Variants in DSCAML1 observed in about 807,000 individuals in gnomAD.
DSCAML1 encodes the protein DS cell adhesion molecule like 1.
In DSCAML1, 38 loss-of-function variants were observed where a neutral mutation model predicts 200.5. The ratio of observed to expected loss-of-function variants is 0.19; its 90% confidence interval spans 0.15 to 0.25. The LOEUF is 0.25. DSCAML1 is among the 10% of genes least tolerant of loss of function. The probability of loss-of-function intolerance (pLI) is 1.00; values close to 1 mark genes in which losing one functional copy is unlikely to be tolerated. For missense variants in DSCAML1, 2,223 were observed against 2,858.8 expected (o/e 0.78, Z 5.07); for synonymous variants, 1,215 against 1,165.0 (o/e 1.04, Z -0.87).
rs2049460390 is a variant in DSCAML1, at chr11:117,504,745, CG to C, written c.2182+178del. Among the ~76,000 whole-genome samples, 5 of 151,972 alleles carry C rather than the reference CG, an allele frequency of 3.3e-5. No homozygotes were observed. The highest frequency in any genetic ancestry group is 6.5e-5 in the Admixed American group (1 of 15,268). On this transcript the variant is annotated intron_variant, in intron 10 of 32. Transcript: ENST00000651296. The surrounding 1 kb of genome is among the most constrained non-coding windows in gnomAD (Gnocchi z 5.0). ...TGGCTGTTCCTGGTCCACAGACCCC[CG>C]GGGGTGGCTGAGGATGACTCCAGGT...
chr11:117,741,929 C>T (rs2054429281), intron 3 of DSCAML1, among the ~76,000 whole-genome samples: 1 of 152,208 alleles, frequency 6.6e-6, no homozygotes. Flanking sequence ...AAATTGGACC[C>T]TGGTGGCCAG....
intron 32 of DSCAML1, 36 bp from the exon 33 acceptor site, chr11:117,428,839 CAT>C: frequency 6.5e-7 from 1 of 1,535,194 alleles, no homozygotes; most frequent in Non-Finnish European, 8.8e-7. Context: ...TACAGAGAGT[CAT>C]AGCCCTCTGG....
chr11:117,745,578 G>A (rs2054503908), intron 3 of DSCAML1, among the ~76,000 whole-genome samples: 1 of 152,164 alleles, frequency 6.6e-6, no homozygotes, highest in Non-Finnish European at 1.5e-5. Context: ...GGGGGCTATG[G>A]GATGTCAGCA....
chr11:117,784,445 A>G (rs2055315262), intron 1 of DSCAML1, among the ~76,000 whole-genome samples: 1 of 152,178 alleles, frequency 6.6e-6, no homozygotes, highest in Admixed American at 6.5e-5. Flanking sequence ...AATCTCTGCT[A>G]TGTGCCACGC....
chr11:117,463,173 A>G lies in DSCAML1; in HGVS notation c.3266-1577T>C, dbSNP rs1329390273. On this transcript the variant is annotated intron_variant, in intron 17 of 32. Coordinates refer to ENST00000651296, the MANE Select transcript of DSCAML1 (RefSeq NM_020693.4). The surrounding 1 kb of genome is among the most constrained non-coding windows in gnomAD (Gnocchi z 4.0). ...GCAAAAGGGAGGCACAAGGTGAAGC[A>G]GGAAGGCTATGGGAATCAGAGATTT... Among the ~76,000 whole-genome samples, 2 of 152,234 alleles carry G rather than the reference A, an allele frequency of 1.3e-5. No homozygotes were observed. Among genetic ancestry groups the G allele is most frequent in the African/African-American group, 4.8e-5 (2 of 41,468 alleles).
At chr11:117,815,695 C>T (rs1340255134) in intron 1 of DSCAML1, among the ~76,000 whole-genome samples, 5 of 152,030 alleles carry the variant, frequency 3.3e-5, no homozygotes, top group Non-Finnish European at 7.4e-5. Context: ...GCCCAGCAAG[C>T]CCATAGGAGC....
rs2049341764 is a variant in DSCAML1 at position 117,498,800 on chromosome 11, T to C, written c.2359+5045A>G. 6.6e-6 allele frequency among the ~76,000 whole-genome samples: 1 copy of C among 152,188 alleles called. No individual in the cohort carries two copies. Among genetic ancestry groups the C allele is most frequent in the Non-Finnish European group, 1.5e-5 (1 of 68,032 alleles). On this transcript the variant is annotated intron_variant, in intron 11 of 32. Transcript: ENST00000651296. This position sits in a 1 kb window ranked among gnomAD's most constrained non-coding sequence, Gnocchi z 4.0. ...TGTGGCTGCGCAGCTGGGTGTGTGC[T>C]CGCTGAGGGCACTGGGACCTTATTT...
At chr11:117,777,897 C>T (rs372081350) in intron 2 of DSCAML1, among the ~76,000 whole-genome samples, 1 of 152,206 alleles carries the variant, frequency 6.6e-6, no homozygotes, top group South Asian at 2.1e-4. Context: ...GATCCTTCCA[C>T]CCCCTTATCT....
intron 3 of DSCAML1, among the ~76,000 whole-genome samples, chr11:117,634,289 G>C (rs1457728393): frequency 1.3e-5 from 2 of 152,186 alleles, no homozygotes; most frequent in African/African-American, 4.8e-5. Context: ...AGCAGAAAGA[G>C]GGCCAGTGGG....
intron 14 of DSCAML1, among the ~76,000 whole-genome samples, chr11:117,478,256 G>A (rs1214797453): frequency 1.3e-5 from 2 of 152,190 alleles, no homozygotes; most frequent in South Asian, 4.1e-4. Flanking sequence ...GGAGGAACGG[G>A]GGGAGGGGCA....
chr11:117,676,799 G>A (rs1420062341), intron 3 of DSCAML1, among the ~76,000 whole-genome samples: 1 of 152,248 alleles, frequency 6.6e-6, no homozygotes, highest in Non-Finnish European at 1.5e-5. Context: ...GGCTCCCAGA[G>A]GGCCCAGTGT....
At chr11:117,773,297 C>T (rs2055071579) in intron 3 of DSCAML1, among the ~76,000 whole-genome samples, 1 of 152,168 alleles carries the variant, frequency 6.6e-6, no homozygotes, top group African/African-American at 2.4e-5. Flanking sequence ...CACCAGTCTC[C>T]CTGCTCCTTC....
intron 3 of DSCAML1, among the ~76,000 whole-genome samples, chr11:117,620,922 T>C (rs2051915083): frequency 6.6e-6 from 1 of 152,222 alleles, no homozygotes; most frequent in African/African-American, 2.4e-5. Flanking sequence ...AGGTAATGCA[T>C]GTAAAAGTGC....
chr11:117,491,853 T>C lies in DSCAML1; in HGVS notation c.2360-9691A>G, dbSNP rs573011227. ...CGAAGTAGAATCAGGGGCCCAAGAA[T>C]AGGGGTGCCAAGCTGAGCTTCTCTG... On this transcript the variant is annotated intron_variant, in intron 11 of 32. Transcript: ENST00000651296. 4.6e-5 allele frequency among the ~76,000 whole-genome samples: 7 copies of C among 152,088 alleles called. No individual in the cohort carries two copies. In the South Asian group the frequency reaches 1.5e-3, roughly 32 times the overall value.
At chr11:117,776,555 A>C (rs1378349554) in intron 3 of DSCAML1, among the ~76,000 whole-genome samples, 3 of 152,230 alleles carry the variant, frequency 2.0e-5, no homozygotes, top group Middle Eastern at 3.4e-3. Context: ...GGACCCTCAC[A>C]GACCCAGTCA....
At chr11:117,569,486 T>G (rs2050810906) in intron 3 of DSCAML1, among the ~76,000 whole-genome samples, 1 of 152,172 alleles carries the variant, frequency 6.6e-6, no homozygotes, top group African/African-American at 2.4e-5. Flanking sequence ...TTCGTCTTGT[T>G]GCCCAGGTCT....
intron 3 of DSCAML1, among the ~76,000 whole-genome samples, chr11:117,593,805 G>A (rs2051308361): frequency 6.6e-6 from 1 of 150,554 alleles, no homozygotes; most frequent in South Asian, 2.1e-4. Context: ...TCTGCCTCCT[G>A]GGTTCATGCC....
Position 117,463,380 on chromosome 11 carries a change from T to A in DSCAML1, c.3265+1562A>T, listed in dbSNP as rs59649615. ...TAATACATCCTTTTTTTTTTTTTTT[T>A]AGAGATGGGGTCTTGCTGTATTGTC... On this transcript the variant is annotated intron_variant, in intron 17 of 32. Coordinates refer to ENST00000651296, the MANE Select transcript of DSCAML1 (RefSeq NM_020693.4). This position sits in a 1 kb window ranked among gnomAD's most constrained non-coding sequence, Gnocchi z 4.0. 0.033 allele frequency among the ~76,000 whole-genome samples: 5,059 copies of A among 151,356 alleles called. 302 individuals are homozygous for A. Among genetic ancestry groups the A allele is most frequent in the African/African-American group, 0.12 (4,785 of 41,172 alleles).
intron 3 of DSCAML1, among the ~76,000 whole-genome samples, chr11:117,600,388 G>A (rs984615385): frequency 6.6e-6 from 1 of 152,112 alleles, no homozygotes; most frequent in African/African-American, 2.4e-5. Flanking sequence ...AGGGATTTAC[G>A]GTTGTAGAGC....
Sources: gnomAD v4.1 joint callset for allele counts (sites outside exome capture counted in the v4.1 genomes callset) on GRCh38, gnomAD v4.1.1 for gene constraint, Gnocchi (gnomAD v3.1) non-coding constraint, MANE v1.5 for transcripts, NCBI Gene and HGNC (gene_info 2026-07-23, HGNC 2026-07-21) for gene names.